Variants in SSBP2 observed in about 807,000 individuals in gnomAD.
SSBP2 encodes the protein single stranded DNA binding protein 2.
In SSBP2, 17 loss-of-function variants were observed where a neutral mutation model predicts 61.8. That is an observed-to-expected ratio of 0.28 (90% CI 0.19 to 0.41). The LOEUF (loss-of-function observed/expected upper bound fraction) is 0.41. SSBP2 is among the 10% of genes least tolerant of loss of function. The pLI is 1.00. For synonymous variants in SSBP2, 139 were observed against 141.3 expected (o/e 0.98, Z 0.12); for missense variants, 310 against 458.7 (o/e 0.68, Z 2.96).
intron 5 of SSBP2, among the ~76,000 whole-genome samples, chr5:81,504,767 CAAG>C (rs1219079608): frequency 6.6e-6 from 1 of 152,116 alleles, no homozygotes; most frequent in African/African-American, 2.4e-5. Context: ...TCTATGAAGA[CAAG>C]AATTTCTATT....
chr5:81,628,138 G>C (rs1399266985), intron 3 of SSBP2, among the ~76,000 whole-genome samples: 2 of 152,160 alleles, frequency 1.3e-5, no homozygotes, highest in African/African-American at 2.4e-5. Flanking sequence ...ATTTATAAAG[G>C]AATGAGGTTT....
chr5:81,734,926 G>C (rs1313405845), intron 1 of SSBP2, among the ~76,000 whole-genome samples: 1 of 142,214 alleles, frequency 7.0e-6, no homozygotes, highest in Admixed American at 7.5e-5. Flanking sequence ...AGCCGAGATC[G>C]TGCCACTGCA....
chr5:81,652,380 C>T (rs1312233680), intron 1 of SSBP2, among the ~76,000 whole-genome samples: 1 of 152,140 alleles, frequency 6.6e-6, no homozygotes, highest in Admixed American at 6.6e-5. Flanking sequence ...ACAGTCCTCA[C>T]TTTCTCTCTC....
intron 4 of SSBP2, among the ~76,000 whole-genome samples, chr5:81,586,015 T>C (rs1054063935): frequency 6.6e-6 from 1 of 152,238 alleles, no homozygotes; most frequent in Admixed American, 6.5e-5. Context: ...ATTATGTATA[T>C]AACCTGCATT....
intron 10 of SSBP2, among the ~76,000 whole-genome samples, chr5:81,460,851 A>G (rs1764487345): frequency 6.6e-6 from 1 of 152,086 alleles, no homozygotes; most frequent in African/African-American, 2.4e-5. Flanking sequence ...GCATGTTTAC[A>G]TTAGACCTTG....
In SSBP2 at chr5:81,644,651, A is replaced by G. The variant is rs1749104583; in HGVS notation, c.135+5616T>C. 2.6e-5 allele frequency among the ~76,000 whole-genome samples: 4 copies of G among 152,204 alleles called. No homozygotes were observed. In the South Asian group the frequency reaches 8.3e-4, roughly 32 times the overall value. On this transcript the variant is annotated intron_variant, in intron 2 of 16. Transcript: ENST00000320672. ...TAAGTGAGAATCTTTCATACAAAAGAGCAATGAGTTAGTGGACCTCTGAAA... is the reference window on the plus strand; with the variant it reads ...TAAGTGAGAATCTTTCATACAAAAGGGCAATGAGTTAGTGGACCTCTGAAA...
intron 4 of SSBP2, among the ~76,000 whole-genome samples, chr5:81,597,888 A>G (rs1488038542): frequency 6.6e-6 from 1 of 150,522 alleles, no homozygotes; most frequent in Non-Finnish European, 1.5e-5. Context: ...GGATAGCATT[A>G]GGAGGTATAC....
intron 4 of SSBP2, among the ~76,000 whole-genome samples, chr5:81,557,785 T>C (rs926397790): frequency 3.3e-5 from 5 of 152,184 alleles, no homozygotes; most frequent in African/African-American, 1.2e-4. Context: ...AAGTATTTTC[T>C]AGTTCTAAAA....
At chr5:81,654,116 A>G (rs1360917789) in intron 1 of SSBP2, among the ~76,000 whole-genome samples, 1 of 151,554 alleles carries the variant, frequency 6.6e-6, no homozygotes, top group Non-Finnish European at 1.5e-5. Context: ...GTCACACACC[A>G]CCACATCTGA....
At chr5:81,484,268 T>C (rs1766220919) in intron 6 of SSBP2, among the ~76,000 whole-genome samples, 1 of 152,180 alleles carries the variant, frequency 6.6e-6, no homozygotes, top group Admixed American at 6.6e-5. Context: ...AGGTATGTTT[T>C]GGCAAAAGAA....
intron 3 of SSBP2, among the ~76,000 whole-genome samples, chr5:81,630,759 T>TAA (rs76949986): frequency 7.6e-6 from 1 of 130,896 alleles, no homozygotes; most frequent in South Asian, 2.4e-4. Flanking sequence ...CAGCTAAGGT[T>TAA]AAAAAAAAAA....
intron 1 of SSBP2, among the ~76,000 whole-genome samples, chr5:81,666,105 T>G (rs1476049807): frequency 6.6e-6 from 1 of 152,218 alleles, no homozygotes; most frequent in Non-Finnish European, 1.5e-5. Flanking sequence ...ATTGTCTTTT[T>G]TAAGTTCCTC....
intron 1 of SSBP2, among the ~76,000 whole-genome samples, chr5:81,707,599 A>C (rs1343606943): frequency 6.6e-6 from 1 of 152,102 alleles, no homozygotes; most frequent in East Asian, 1.9e-4. Flanking sequence ...TGAGTCAATA[A>C]ATTTCTGTTG....
chr5:81,745,709 C>T (rs1348681620), intron 1 of SSBP2, among the ~76,000 whole-genome samples: 1 of 151,978 alleles, frequency 6.6e-6, no homozygotes, highest in Non-Finnish European at 1.5e-5. Flanking sequence ...CCTAGTAGTT[C>T]CATGTCTTTC....
At chr5:81,442,421 G>A (rs189067229) in intron 13 of SSBP2, among the ~76,000 whole-genome samples, 10 of 152,056 alleles carry the variant, frequency 6.6e-5, no homozygotes, top group South Asian at 2.1e-4. Context: ...TGAAACTAAT[G>A]TGTAATTGAT....
chr5:81,443,719 C>T (rs750993933), intron 12 of SSBP2, among the ~76,000 whole-genome samples: 2 of 152,134 alleles, frequency 1.3e-5, no homozygotes, highest in Non-Finnish European at 1.5e-5. Flanking sequence ...CATGCCACCA[C>T]GCCTGGCTAA....
chr5:81,733,928 G>A (rs968602799), intron 1 of SSBP2, among the ~76,000 whole-genome samples: 5 of 152,078 alleles, frequency 3.3e-5, no homozygotes, highest in Admixed American at 3.3e-4. Flanking sequence ...AGGTAAGGAA[G>A]TCCAAAAATT....
chr5:81,507,028 C>T (rs1768230027), intron 5 of SSBP2, among the ~76,000 whole-genome samples: 1 of 151,956 alleles, frequency 6.6e-6, no homozygotes, highest in Non-Finnish European at 1.5e-5. Flanking sequence ...AAATTTCTTA[C>T]TATTTTTTTT....
chr5:81,550,418 T>C (rs2154128829), intron 4 of SSBP2, among the ~76,000 whole-genome samples: 1 of 152,310 alleles, frequency 6.6e-6, no homozygotes, highest in South Asian at 2.1e-4. Flanking sequence ...ATAAATAGCA[T>C]TATTGAAATG....
Sources: allele counts gnomAD v4.1 joint callset (sites outside exome capture counted in the v4.1 genomes callset), GRCh38; gene constraint gnomAD v4.1.1; transcripts MANE v1.5; gene names NCBI Gene and HGNC (gene_info 2026-07-23, HGNC 2026-07-21).